Variants in REDIC1 observed in about 807,000 individuals in gnomAD.
The protein encoded by REDIC1 is regulator of DNA class I crossover intermediates 1, also known as HEI10 Interacting Protein 1.
chr12:39,694,568 G>A, the REDIC1 span, among the ~76,000 whole-genome samples: 1 of 152,304 alleles, frequency 6.6e-6, no homozygotes, highest in East Asian at 1.9e-4. Flanking sequence ...TAACCAGAGG[G>A]GAATTGCTGA....
At chr12:39,683,240 A>G in the REDIC1 span, 52 of 1,257,062 alleles carry the variant, frequency 4.1e-5, no homozygotes, top group Non-Finnish European at 5.5e-5. Flanking sequence ...ATATATTTGT[A>G]TGTGTGTTTA....
chr12:39,688,924 G>A, the REDIC1 span, among the ~76,000 whole-genome samples: 53 of 152,210 alleles, frequency 3.5e-4, no homozygotes, highest in South Asian at 1.7e-3. Context: ...CATAGGAGGA[G>A]GTGGCAGGAA....
the REDIC1 span, among the ~76,000 whole-genome samples, chr12:39,751,669 T>C: frequency 6.6e-6 from 1 of 152,132 alleles, no homozygotes; most frequent in African/African-American, 2.4e-5. Flanking sequence ...CCATCAATGA[T>C]AGACTGGATT....
the REDIC1 span, among the ~76,000 whole-genome samples, chr12:39,733,951 G>GA: frequency 3.3e-5 from 5 of 151,320 alleles, no homozygotes; most frequent in Admixed American, 6.6e-5. Flanking sequence ...ACTGGGGTAT[G>GA]AAAAAAAAAC....
chr12:39,752,405 C>T, the REDIC1 span, among the ~76,000 whole-genome samples: 1 of 152,164 alleles, frequency 6.6e-6, no homozygotes, highest in East Asian at 1.9e-4. Context: ...CATCCCAACA[C>T]CATTCCCCCA....
the REDIC1 span, chr12:39,759,961 G>A: frequency 3.2e-6 from 4 of 1,244,166 alleles, no homozygotes; most frequent in Non-Finnish European, 3.5e-6. Context: ...GGGCAGTGAA[G>A]TCACCAATTG....
At chr12:39,665,098 T>C in the REDIC1 span, among the ~76,000 whole-genome samples, 1 of 152,174 alleles carries the variant, frequency 6.6e-6, no homozygotes, top group African/African-American at 2.4e-5. Context: ...TTGTCAATTT[T>C]GGCTTTTGTT....
the REDIC1 span, among the ~76,000 whole-genome samples, chr12:39,713,012 CATGTGT>C: frequency 2.2e-5 from 3 of 133,682 alleles, no homozygotes; most frequent in Admixed American, 1.5e-4. Flanking sequence ...TGTATATATA[CATGTGT>C]ATATACGTGT....
chr12:39,848,838 T>C, the REDIC1 span, among the ~76,000 whole-genome samples: 4 of 152,156 alleles, frequency 2.6e-5, no homozygotes, highest in Admixed American at 1.3e-4. Flanking sequence ...ATATTATGCA[T>C]CCATAAAAAA....
At chr12:39,897,393 A>T in the REDIC1 span, among the ~76,000 whole-genome samples, 63 of 152,240 alleles carry the variant, frequency 4.1e-4, no homozygotes, top group Admixed American at 3.2e-3. Context: ...ACAATTCCCA[A>T]CTGCCTACCC....
At chr12:39,841,895 T>C in the REDIC1 span, among the ~76,000 whole-genome samples, 1 of 152,198 alleles carries the variant, frequency 6.6e-6, no homozygotes, top group East Asian at 1.9e-4. Flanking sequence ...ATGAAGATTT[T>C]TGAGGGTGAA....
chr12:39,683,527 G>T, the REDIC1 span: 1 of 1,408,444 alleles, frequency 7.1e-7, no homozygotes. Flanking sequence ...TCAGGATCTA[G>T]TATGATGCAT....
At chr12:39,880,685 A>G in the REDIC1 span, among the ~76,000 whole-genome samples, 5 of 152,216 alleles carry the variant, frequency 3.3e-5, no homozygotes, top group African/African-American at 1.2e-4. Context: ...AATGGAACTT[A>G]TAAGGGATTT....
the REDIC1 span, among the ~76,000 whole-genome samples, chr12:39,675,075 G>A: frequency 6.6e-6 from 1 of 152,110 alleles, no homozygotes; most frequent in Non-Finnish European, 1.5e-5. Context: ...ATGTAAACTT[G>A]GCACTGTTGG....
At chr12:39,699,372 C>T in the REDIC1 span, among the ~76,000 whole-genome samples, 7 of 152,248 alleles carry the variant, frequency 4.6e-5, no homozygotes, top group South Asian at 6.2e-4. Flanking sequence ...CACTCCCATC[C>T]GAATACTGCG....
chr12:39,885,559 A>G, the REDIC1 span, among the ~76,000 whole-genome samples: 1 of 152,140 alleles, frequency 6.6e-6, no homozygotes, highest in South Asian at 2.1e-4. Context: ...TTATTACAAA[A>G]AACTTTCTCT....
At chr12:39,636,405 A>G in the REDIC1 span, among the ~76,000 whole-genome samples, 6 of 152,088 alleles carry the variant, frequency 3.9e-5, no homozygotes, top group Admixed American at 3.9e-4. Flanking sequence ...ATTCTAACAT[A>G]TATCATTACT....
chr12:39,666,468 CA>C, the REDIC1 span, among the ~76,000 whole-genome samples: 1 of 152,170 alleles, frequency 6.6e-6, no homozygotes, highest in African/African-American at 2.4e-5. Flanking sequence ...TTCAGTTTGC[CA>C]GTATTTTATT....
the REDIC1 span, chr12:39,759,982 C>A: frequency 2.0e-6 from 3 of 1,480,822 alleles, no homozygotes; most frequent in Non-Finnish European, 2.8e-6. Context: ...CTGTTCTTCT[C>A]CCCCCAGTTT....
Sources: gnomAD v4.1 joint callset for allele counts (sites outside exome capture counted in the v4.1 genomes callset) on GRCh38, gnomAD v4.1.1 for gene constraint, MANE v1.5 for transcripts, NCBI Gene and HGNC (gene_info 2026-07-23, HGNC 2026-07-21) for gene names.